The following CALY variants were observed in gnomAD, a reference collection of about 807,000 sequenced individuals.
CALY encodes the protein calcyon neuron specific vesicular protein.
CALY carries 15 observed loss-of-function variants against 20.2 expected under a neutral mutation model. The ratio of observed to expected loss-of-function variants is 0.74; its 90% CI spans 0.50 to 1.14. CALY has a LOEUF of 1.14. Among genes scored for constraint, CALY ranks in the 50% most tolerant of loss-of-function variants. The pLI is 0.00. For missense variants in CALY, 270 were observed against 304.4 expected (o/e 0.89, Z 0.84); for synonymous variants, 129 against 131.8 (o/e 0.98, Z 0.15).
chr10:133,333,242 GGT>G, intron 1 of CALY, among the ~76,000 whole-genome samples: 1 of 145,786 alleles, frequency 6.9e-6, no homozygotes, highest in African/African-American at 2.5e-5. Context: ...AGGAGCTGAG[GGT>G]GGAATGATTG....
Position 133,326,964 on chromosome 10 carries a change from C to T in CALY, c.274G>A (p.Ala92Thr), listed in dbSNP as rs753695087. Residue 92 changes from alanine to threonine, a missense_variant, in exon 4 of 6, where the codon GCC (alanine) becomes ACC (threonine). Ala to Thr is a moderately conservative substitution (Grantham distance 58, BLOSUM62 0). Transcript: ENST00000252939. Reference sequence around the variant, plus strand: ...AGCACGCAGCCCAGTAGCGCCATGGCGAAGGCGATCATCCGTGCGGTGGGC... The same window carrying T: ...AGCACGCAGCCCAGTAGCGCCATGGTGAAGGCGATCATCCGTGCGGTGGGC... ...RLPTARMIAF[A>T]MALLGCVLIM... 9.3e-6 allele frequency: 15 copies of T among 1,609,806 alleles called. No homozygotes were observed. Among genetic ancestry groups the T allele is most frequent in the South Asian group, 3.3e-5 (3 of 89,936 alleles).
chr10:133,329,392 C>CTTCTTCTTCTTTTTTTTTTTTTTTTTTT (rs549430070), intron 1 of CALY, among the ~76,000 whole-genome samples: 1 of 137,456 alleles, frequency 7.3e-6, no homozygotes, highest in African/African-American at 2.9e-5. Flanking sequence ...TCTTCTTCTT[C>CTTCTTCTTCTTTTTTTTTTTTTTTTTTT]TTTTTTTTTT....
intron 1 of CALY, among the ~76,000 whole-genome samples, chr10:133,334,965 GC>G (rs1393529676): frequency 6.6e-6 from 1 of 152,196 alleles, no homozygotes; most frequent in African/African-American, 2.4e-5. Context: ...CGTGGCCCGG[GC>G]AGGGGCAATG....
intron 1 of CALY, among the ~76,000 whole-genome samples, chr10:133,329,949 G>A (rs1848276005): frequency 6.6e-6 from 1 of 152,192 alleles, no homozygotes; most frequent in East Asian, 1.9e-4. Context: ...CTGCGAGCCT[G>A]GCGCTAAAGG....
At chr10:133,333,037 A>T (rs921213776) in intron 1 of CALY, among the ~76,000 whole-genome samples, 1 of 151,950 alleles carries the variant, frequency 6.6e-6, no homozygotes, top group African/African-American at 2.4e-5. Flanking sequence ...GAGGATGTCC[A>T]ATTAACTGCC....
rs1436931705 is a variant in CALY at position 133,324,199 on chromosome 10, T to C, written c.*1396A>G. On this transcript the variant is annotated 3_prime_UTR_variant, in exon 6 of 6. Coordinates refer to ENST00000252939, the MANE Select transcript of CALY (RefSeq NM_015722.4). ...CAGGCCATCAGGGCCAATTCAGTTCTGCGTGTGCTTGTTCATCTGGCCAAT... is the reference window on the plus strand; with the variant it reads ...CAGGCCATCAGGGCCAATTCAGTTCCGCGTGTGCTTGTTCATCTGGCCAAT... 2.7e-6 allele frequency: 1 copy of C among 366,878 alleles called. No individual in the cohort carries two copies. Among genetic ancestry groups the C allele is most frequent in the Non-Finnish European group, 5.6e-6 (1 of 180,060 alleles). 22.7% of individuals were successfully genotyped at this position (366,878 alleles called of 1,614,324 possible). A position where few individuals can be genotyped will look rare whatever the true frequency, so the allele number is the denominator to read the frequency against.
intron 1 of CALY, among the ~76,000 whole-genome samples, chr10:133,329,546 T>C (rs984484073): frequency 6.6e-6 from 1 of 151,938 alleles, no homozygotes; most frequent in African/African-American, 2.4e-5. Context: ...CCACCACGCC[T>C]GGCTAATTTT....
chr10:133,330,183 G>C (rs1166761870), intron 1 of CALY, among the ~76,000 whole-genome samples: 2 of 152,178 alleles, frequency 1.3e-5, no homozygotes. Flanking sequence ...GAAAGGTCCT[G>C]TGTGCAGTAG....
intron 4 of CALY, among the ~76,000 whole-genome samples, chr10:133,326,507 A>T (rs7475905): frequency 0.041 from 6,116 of 147,758 alleles, 159 homozygotes; most frequent in African/African-American, 0.068. Context: ...AAAGAGATTT[A>T]AAAAAAAAAA....
chr10:133,327,491 A>G, intron 3 of CALY: 1 of 566,320 alleles, frequency 1.8e-6, no homozygotes, highest in South Asian at 2.5e-5. Flanking sequence ...ACTAAAAATG[A>G]CTAAAGCTAT....
At chr10:133,327,351 G>C in intron 3 of CALY, 1 of 492,512 alleles carries the variant, frequency 2.0e-6, no homozygotes, top group South Asian at 3.0e-5. Flanking sequence ...GCACTCACCA[G>C]GCCTCCCAGG....
At position 133,328,895 on chromosome 10, in the gene CALY, G is replaced by T; in HGVS notation, c.95C>A (p.Pro32His). The T allele has an allele frequency of 6.4e-7, 1 of 1,550,450 alleles. No individual in the cohort carries two copies. Among genetic ancestry groups the T allele is most frequent in the Admixed American group, 1.9e-5 (1 of 51,370 alleles). ...CGGCTGGAGCTGGCTGATGTCCAAG[G>T]GGCTGATCAGAGGCACACTGTCCAT... The part of the protein sequence containing the change: ...AAMDSVPLIS[P>H]LDISQLQPPL... The change falls in exon 2 of 6, where the codon CCC becomes CAC. Residue 32 changes from proline (P) to histidine (H), a missense_variant. By Grantham distance (77) the Pro-to-His change is moderately conservative. Coordinates refer to ENST00000252939, the MANE Select transcript of CALY (RefSeq NM_015722.4).
At chr10:133,336,035 G>C (rs949953422) in intron 1 of CALY, among the ~76,000 whole-genome samples, 4 of 152,084 alleles carry the variant, frequency 2.6e-5, no homozygotes, top group Admixed American at 2.6e-4. Flanking sequence ...CGTCACGCTG[G>C]GGGGTGCGCG....
Position 133,331,961 on chromosome 10 carries a change from G to C in CALY, c.-20-2952C>G, listed in dbSNP as rs57940567. Among the ~76,000 whole-genome samples the C allele has an allele frequency of 8.6e-5, 13 of 151,974 alleles. No individual in the cohort carries two copies. The East Asian group carries it at 1.5e-3, about 18-fold the overall frequency. ...GGCCAACATGGTGAAACCCTGTCTCGACTAAAAATACAAAAACTAGCCGGG... is the reference window on the plus strand; with the variant it reads ...GGCCAACATGGTGAAACCCTGTCTCCACTAAAAATACAAAAACTAGCCGGG... On this transcript the variant is annotated intron_variant, in intron 1 of 5. Transcript: ENST00000252939.
In CALY at chr10:133,328,802, C is replaced by T. The variant is rs1848255255; in HGVS notation, c.135+53G>A. 13 of 1,504,060 alleles carry T rather than the reference C, an allele frequency of 8.6e-6. No individual in the cohort carries two copies. In the South Asian group the frequency reaches 1.5e-4, roughly 17 times the overall value. The allele number at this position is 1,504,060 out of a possible 1,614,324, so 93.2% of individuals were successfully genotyped here. A position where few individuals can be genotyped will look rare whatever the true frequency, so the allele number is the denominator to read the frequency against. On this transcript the variant is annotated intron_variant, in intron 2 of 5. Coordinates refer to ENST00000252939, the MANE Select transcript of CALY (RefSeq NM_015722.4). Reference sequence around the variant, plus strand: ...TCTAGACAAACCTCACCCCACACCCCTTTGTTCCCAGGGGAGCCTGAGAAG... The same window carrying T: ...TCTAGACAAACCTCACCCCACACCCTTTTGTTCCCAGGGGAGCCTGAGAAG...
Position 133,326,858 on chromosome 10 carries a change from C to T in CALY, c.360+20G>A, listed in dbSNP as rs575195840. On this transcript the variant is annotated intron_variant, in intron 4 of 5. Coordinates refer to ENST00000252939, the MANE Select transcript of CALY (RefSeq NM_015722.4). ...GGAGGGGCGGCTCTACACCCCCCAC[C>T]AGAGCCCTGGCCCCCTTACCCGCAG... The T allele has an allele frequency of 1.2e-5, 18 of 1,556,504 alleles. No homozygotes were observed. The African/African-American group carries it at 1.9e-4, about 16-fold the overall frequency.
At chr10:133,335,163 T>G (rs1435875671) in intron 1 of CALY, among the ~76,000 whole-genome samples, 1 of 149,990 alleles carries the variant, frequency 6.7e-6, no homozygotes, top group African/African-American at 2.5e-5. Flanking sequence ...GGGCTTGAGG[T>G]GGAGCTTGGC....
Position 133,326,880 on chromosome 10 carries a change from G to A in CALY, c.358C>T (p.Arg120Trp), listed in dbSNP as rs377750906. The change falls in exon 4 of 6, where the codon CGG (arginine) becomes TGG (tryptophan). Residue 120 changes from arginine (R) to tryptophan (W), a missense_variant and splice_region_variant. Coordinates refer to ENST00000252939, the MANE Select transcript of CALY (RefSeq NM_015722.4). Reference protein sequence around the residue: ...QFTCPDGFLLRHKICTPLTLE... With the variant: ...QFTCPDGFLLWHKICTPLTLE... ...CACCAGAGCCCTGGCCCCCTTACCC[G>A]CAGCAGGAAGCCGTCGGGGCAGGTG... The A allele has an allele frequency of 2.5e-5, 40 of 1,601,696 alleles. No individual in the cohort carries two copies. Among genetic ancestry groups the A allele is most frequent in the African/African-American group, 1.2e-4 (9 of 74,838 alleles).
At chr10:133,326,390 G>C in intron 4 of CALY, 1 of 832,380 alleles carries the variant, frequency 1.2e-6, no homozygotes, top group Admixed American at 2.2e-5. Flanking sequence ...TCTGCGGAGC[G>C]CGCTCCAGAG....
Sources: gnomAD v4.1 joint callset for allele counts (sites outside exome capture counted in the v4.1 genomes callset) on GRCh38, gnomAD v4.1.1 for gene constraint, MANE v1.5 for transcripts, NCBI Gene and HGNC (gene_info 2026-07-23, HGNC 2026-07-21) for gene names.